ATF2: variants seen among roughly 807,000 people sequenced by gnomAD.
The protein encoded by ATF2 is cyclic AMP-dependent transcription factor ATF-2.
Under a neutral mutation model 60.6 loss-of-function variants are expected in ATF2, and 24 were observed. The observed-to-expected ratio is 0.40, with a 90% CI of 0.29 to 0.56. The LOEUF (loss-of-function observed/expected upper bound fraction) is 0.56, where lower values mean the gene tolerates loss of function less well. ATF2 is among the 20% of genes least tolerant of loss of function. ATF2 has a pLI of 0.54. For missense variants in ATF2, 433 were observed against 607.7 expected (o/e 0.71, Z 3.02); for synonymous variants, 206 against 215.4 (o/e 0.96, Z 0.38).
At chr2:175,110,668 G>A (rs1418774067) in intron 10 of ATF2, among the ~76,000 whole-genome samples, 2 of 152,076 alleles carry the variant, frequency 1.3e-5, no homozygotes, top group Admixed American at 6.5e-5. Context: ...GCAATAGTGC[G>A]ATGCTGGCTC....
Position 175,108,443 on chromosome 2 carries a change from G to T in ATF2, c.828+3125C>A, listed in dbSNP as rs576310215. ...GGGGTCAGCCCCCGCCCGGCCAGCAGCCCCGTCCGGGAGGGAGGTGGGGGG... is the reference window on the plus strand; with the variant it reads ...GGGGTCAGCCCCCGCCCGGCCAGCATCCCCGTCCGGGAGGGAGGTGGGGGG... On this transcript the variant is annotated intron_variant, in intron 10 of 13. Coordinates refer to ENST00000264110, the MANE Select transcript of ATF2 (RefSeq NM_001880.4). Among the ~76,000 whole-genome samples, 3 of 148,516 alleles carry T rather than the reference G, an allele frequency of 2.0e-5. No individual in the cohort carries two copies. In the East Asian group the frequency reaches 6.1e-4, roughly 30 times the overall value.
intron 4 of ATF2, among the ~76,000 whole-genome samples, chr2:175,126,196 C>T (rs1242764763): frequency 6.6e-6 from 1 of 152,154 alleles, no homozygotes; most frequent in African/African-American, 2.4e-5. Context: ...GTTTCTCTTA[C>T]TTTGAAATAT....
chr2:175,077,778 T>TACA (rs1693444927), intron 13 of ATF2, among the ~76,000 whole-genome samples: 1 of 152,102 alleles, frequency 6.6e-6, no homozygotes, highest in Non-Finnish European at 1.5e-5. Context: ...TCAAATACCT[T>TACA]TACAATGTGA....
intron 1 of ATF2, among the ~76,000 whole-genome samples, chr2:175,167,028 A>C (rs1559135441): frequency 6.6e-6 from 1 of 152,148 alleles, no homozygotes; most frequent in Non-Finnish European, 1.5e-5. Context: ...CTTTCACTAA[A>C]ATTTCTGATG....
chr2:175,084,883 T>C (rs947027239), intron 12 of ATF2, among the ~76,000 whole-genome samples: 1 of 152,116 alleles, frequency 6.6e-6, no homozygotes, highest in Admixed American at 6.6e-5. Context: ...TTGCCTGATA[T>C]GGACTGAGTA....
intron 3 of ATF2, among the ~76,000 whole-genome samples, chr2:175,131,293 T>C (rs532408823): frequency 2.8e-4 from 42 of 152,274 alleles, no homozygotes; most frequent in African/African-American, 9.1e-4. Flanking sequence ...CATAAAGAAC[T>C]TGAAAGTCAT....
intron 1 of ATF2, 127 bp downstream of exon 1, chr2:175,167,923 A>C (rs1411936172): frequency 2.8e-6 from 1 of 360,716 alleles, no homozygotes; most frequent in East Asian, 7.5e-5. Context: ...GGAGCACGTC[A>C]GGAGCACCCG....
At chr2:175,081,555 T>C (rs1014447970) in intron 12 of ATF2, among the ~76,000 whole-genome samples, 3 of 152,174 alleles carry the variant, frequency 2.0e-5, no homozygotes, top group Non-Finnish European at 4.4e-5. Context: ...GAGTTAGAAA[T>C]AATATGAATT....
chr2:175,142,785 C>T (rs1040665038), intron 2 of ATF2, among the ~76,000 whole-genome samples: 9 of 143,638 alleles, frequency 6.3e-5, no homozygotes, highest in Non-Finnish European at 1.4e-4. Flanking sequence ...AACCCTAAAG[C>T]TGCAGAGAGA....
intron 3 of ATF2, among the ~76,000 whole-genome samples, chr2:175,135,648 T>C (rs1285086024): frequency 1.3e-5 from 2 of 152,150 alleles, no homozygotes; most frequent in Non-Finnish European, 2.9e-5. Flanking sequence ...TGTTTTCCAT[T>C]AGAAGAAATT....
At chr2:175,104,823 TATA>T (rs67320892) in intron 10 of ATF2, among the ~76,000 whole-genome samples, 38,086 of 151,882 alleles carry the variant, frequency 0.25, 5,489 homozygotes, top group African/African-American at 0.41. Context: ...GTTCTACAAG[TATA>T]ATCTAATCTA....
chr2:175,125,980 T>C (rs1461756330), intron 4 of ATF2, among the ~76,000 whole-genome samples: 4 of 152,144 alleles, frequency 2.6e-5, no homozygotes, highest in Admixed American at 6.5e-5. Flanking sequence ...ATTGAAGCTA[T>C]GTATCTCACT....
chr2:175,111,079 T>C (rs1436831104), intron 10 of ATF2, among the ~76,000 whole-genome samples: 1 of 152,172 alleles, frequency 6.6e-6, no homozygotes, highest in Non-Finnish European at 1.5e-5. Context: ...TAGTGAATAG[T>C]GGAGTTAGGA....
At chr2:175,155,221 T>C (rs762833140) in intron 1 of ATF2, among the ~76,000 whole-genome samples, 2 of 152,186 alleles carry the variant, frequency 1.3e-5, no homozygotes, top group Non-Finnish European at 2.9e-5. Flanking sequence ...CTCCCACTTT[T>C]CACAAGAAAT....
At position 175,073,074 on chromosome 2, in the gene ATF2, T is replaced by C. The variant is rs1056380885; in HGVS notation, c.*1535A>G. 2 of 152,180 alleles carry C rather than the reference T, an allele frequency of 1.3e-5. No homozygotes were observed. Among genetic ancestry groups the C allele is most frequent in the Admixed American group, 1.3e-4 (2 of 15,252 alleles). 9.4% of individuals were successfully genotyped at this position (152,180 alleles called of 1,614,324 possible). On this transcript the variant is annotated 3_prime_UTR_variant, in exon 14 of 14. Transcript: ENST00000264110. ...TATAAATGCATTACAGATATTTACA[T>C]AGTGGAATCCTGCTTGAATGCCAGA...
chr2:175,089,922 T>A (rs1694429805), intron 12 of ATF2, among the ~76,000 whole-genome samples: 1 of 152,166 alleles, frequency 6.6e-6, no homozygotes, highest in African/African-American at 2.4e-5. Flanking sequence ...ACCTATACAT[T>A]TACCCATCTA....
rs907046130 is a variant in ATF2, at chr2:175,118,093, G to C, written c.344C>G (p.Ala115Gly). ...KKMPLDLSPL[A>G]TPIIRSKIEE... is the part of the protein sequence containing the mutation. ...AATTTTGCTTCTTATGATAGGTGTT[G>C]CAAGAGGGGATAAATCTAGAGGCAT... Residue 115 changes from alanine to glycine, a missense_variant, in exon 7 of 14, where the codon GCA becomes GGA. By Grantham distance (60) the Ala-to-Gly change is moderately conservative (BLOSUM62 0). Transcript: ENST00000264110. 2 of 1,611,656 alleles carry C rather than the reference G, an allele frequency of 1.2e-6. No homozygotes were observed. The highest frequency in any genetic ancestry group is 2.7e-5 in the African/African-American group (2 of 74,888).
At chr2:175,157,845 T>C (rs1699777543) in intron 1 of ATF2, among the ~76,000 whole-genome samples, 1 of 151,896 alleles carries the variant, frequency 6.6e-6, no homozygotes, top group African/African-American at 2.4e-5. Flanking sequence ...ATACAAAAAT[T>C]AGCTGAGCGT....
chr2:175,153,835 G>GAAA (rs71031093), intron 1 of ATF2, among the ~76,000 whole-genome samples: 5 of 129,002 alleles, frequency 3.9e-5, no homozygotes, highest in East Asian at 2.3e-4. Flanking sequence ...CTGCCTCAAA[G>GAAA]AAAAAAAAAA....
Sources: gnomAD v4.1 joint callset for allele counts (sites outside exome capture counted in the v4.1 genomes callset) on GRCh38, gnomAD v4.1.1 for gene constraint, MANE v1.5 for transcripts, NCBI Gene and HGNC (gene_info 2026-07-23, HGNC 2026-07-21) for gene names.